CPNE8: variants seen among roughly 807,000 people sequenced by gnomAD.
The protein encoded by CPNE8 is copine-8.
A neutral mutation model predicts 81.5 loss-of-function variants in CPNE8; 45 were observed. The observed-to-expected ratio is 0.55, with a 90% CI of 0.44 to 0.71. The LOEUF is 0.71. Among genes scored for constraint, CPNE8 ranks in the 30% least tolerant of loss-of-function variants. The pLI is 0.00. For synonymous variants in CPNE8, 252 were observed against 226.3 expected, an observed-to-expected ratio of 1.11 and a Z score of -1.02; for missense variants, 594 against 672.1, an observed-to-expected ratio of 0.88 and a Z score of 1.28.
intron 3 of CPNE8, among the ~76,000 whole-genome samples, chr12:38,865,482 A>C (rs901700072): frequency 3.3e-5 from 5 of 152,214 alleles, no homozygotes; most frequent in Admixed American, 2.0e-4. Context: ...GCAGGCATGG[A>C]TAGAGCTCAC....
At chr12:38,673,460 A>G (rs565193644) in intron 18 of CPNE8, among the ~76,000 whole-genome samples, 1 of 152,276 alleles carries the variant, frequency 6.6e-6, no homozygotes, top group East Asian at 1.9e-4. Context: ...AGATTTTTCT[A>G]TATTAAACAT....
At position 38,807,596 on chromosome 12, in the gene CPNE8, T is replaced by G. The variant is rs374278640; in HGVS notation, c.407+21783A>C. Among the ~76,000 whole-genome samples the G allele has an allele frequency of 8.6e-5, 13 of 151,346 alleles. No individual in the cohort carries two copies. The South Asian group carries it at 1.5e-3, about 17-fold the overall frequency. ...CCCTTCCTTACACCTTATACAAAAA[T>G]TAATTCAAGATGGATTAAAGACTTA... On this transcript the variant is annotated intron_variant, in intron 6 of 19. Transcript: ENST00000331366.
At chr12:38,848,020 G>A (rs1167255211) in intron 4 of CPNE8, among the ~76,000 whole-genome samples, 1 of 152,054 alleles carries the variant, frequency 6.6e-6, no homozygotes, top group Non-Finnish European at 1.5e-5. Flanking sequence ...GCTGACTCTA[G>A]GTTCTCTGTG....
intron 16 of CPNE8, among the ~76,000 whole-genome samples, chr12:38,680,127 C>T (rs1939378138): frequency 1.3e-5 from 2 of 151,844 alleles, no homozygotes; most frequent in Admixed American, 1.3e-4. Flanking sequence ...CAGGGCAGTA[C>T]AATTCAAACA....
chr12:38,768,995 T>C (rs1941746730), intron 7 of CPNE8, among the ~76,000 whole-genome samples: 1 of 152,246 alleles, frequency 6.6e-6, no homozygotes, highest in Non-Finnish European at 1.5e-5. Flanking sequence ...TTACTAAGTA[T>C]ACACCTAAAC....
intron 3 of CPNE8, among the ~76,000 whole-genome samples, chr12:38,862,769 C>T (rs1943857176): frequency 6.6e-6 from 1 of 151,984 alleles, no homozygotes; most frequent in Non-Finnish European, 1.5e-5. Context: ...ACTAACATGG[C>T]AAAACCCTGG....
chr12:38,667,947 G>A (rs188782668), intron 19 of CPNE8, among the ~76,000 whole-genome samples: 103 of 152,116 alleles, frequency 6.8e-4, no homozygotes, highest in East Asian at 1.7e-3. Flanking sequence ...ACAGGCGCCC[G>A]CCACCACACG....
intron 6 of CPNE8, among the ~76,000 whole-genome samples, chr12:38,819,063 A>G (rs1489381855): frequency 9.2e-5 from 14 of 151,986 alleles, no homozygotes; most frequent in Admixed American, 8.5e-4. Flanking sequence ...ATTTCAAAAA[A>G]TTTTTCCCAT....
intron 10 of CPNE8, among the ~76,000 whole-genome samples, chr12:38,744,789 T>TA (rs1157215841): frequency 2.0e-5 from 3 of 152,144 alleles, no homozygotes; most frequent in South Asian, 4.1e-4. Flanking sequence ...GAAAAGGATG[T>TA]AAAAAAAGTA....
At chr12:38,856,202 C>G (rs529699001) in intron 3 of CPNE8, among the ~76,000 whole-genome samples, 15 of 152,046 alleles carry the variant, frequency 9.9e-5, no homozygotes, top group African/African-American at 3.6e-4. Flanking sequence ...AAGCAGTAAT[C>G]AACAACCTCA....
chr12:38,861,989 A>T (rs1339472524), intron 3 of CPNE8, among the ~76,000 whole-genome samples: 1 of 152,168 alleles, frequency 6.6e-6, no homozygotes, highest in Non-Finnish European at 1.5e-5. Flanking sequence ...GAAAATCTCC[A>T]ATGATCTAGG....
rs149340869 is a variant in CPNE8 at position 38,770,439 on chromosome 12, T to G, written c.472-2701A>C. Among the ~76,000 whole-genome samples the G allele has an allele frequency of 5.0e-3, 758 of 152,348 alleles. 5 individuals carry two copies. Among genetic ancestry groups the G allele is most frequent in the African/African-American group, 0.017 (708 of 41,584 alleles). ...CTTATTTCTCACCCAGACATGTTCATTGACATTTATTCCTTACTCCCACTT... is the reference window on the plus strand; with the variant it reads ...CTTATTTCTCACCCAGACATGTTCAGTGACATTTATTCCTTACTCCCACTT... On this transcript the variant is annotated intron_variant, in intron 7 of 19. Coordinates refer to ENST00000331366, the MANE Select transcript of CPNE8 (RefSeq NM_153634.3).
chr12:38,849,363 G>T (rs1943607186), intron 3 of CPNE8, among the ~76,000 whole-genome samples: 1 of 152,092 alleles, frequency 6.6e-6, no homozygotes, highest in South Asian at 2.1e-4. Context: ...CAAAGATAGA[G>T]CACAAATATA....
intron 5 of CPNE8, among the ~76,000 whole-genome samples, chr12:38,832,687 C>A (rs1346721928): frequency 1.3e-5 from 2 of 151,744 alleles, no homozygotes. Context: ...ATTTATGGCA[C>A]TCTCAGCTAA....
chr12:38,877,048 C>T (rs893576458), intron 1 of CPNE8, among the ~76,000 whole-genome samples: 2 of 152,186 alleles, frequency 1.3e-5, no homozygotes, highest in African/African-American at 4.8e-5. Context: ...AGTCAATGTA[C>T]ACAGCCCAGT....
rs142558983 is a variant in CPNE8 at position 38,882,465 on chromosome 12, G to A, written c.99-7954C>T. Among the ~76,000 whole-genome samples the A allele has an allele frequency of 9.3e-3, 1,417 of 152,256 alleles. 19 individuals carry two copies. The highest frequency in any genetic ancestry group is 0.039 in the South Asian group (187 of 4,820). On this transcript the variant is annotated intron_variant, in intron 1 of 19. Coordinates refer to ENST00000331366, the MANE Select transcript of CPNE8 (RefSeq NM_153634.3). ...TAGGACTTTTGGCATCCAGACCTGT[G>A]AGAAAATAAATTTCTGTTCTTTTAA...
chr12:38,720,475 C>T (rs368582361), intron 13 of CPNE8, among the ~76,000 whole-genome samples: 1 of 152,142 alleles, frequency 6.6e-6, no homozygotes, highest in Non-Finnish European at 1.5e-5. Flanking sequence ...TATATATACA[C>T]ATACATATTC....
chr12:38,784,313 T>C (rs938979247), intron 6 of CPNE8, among the ~76,000 whole-genome samples: 1 of 151,818 alleles, frequency 6.6e-6, no homozygotes, highest in Non-Finnish European at 1.5e-5. Context: ...AAAACGGACA[T>C]TCAGAGAAGA....
intron 6 of CPNE8, among the ~76,000 whole-genome samples, chr12:38,811,956 G>C (rs898604713): frequency 1.3e-5 from 2 of 152,198 alleles, no homozygotes; most frequent in African/African-American, 4.8e-5. Context: ...ATGGTCCCTA[G>C]CCTAGAGAGT....
Sources: gnomAD v4.1 joint callset for allele counts (sites outside exome capture counted in the v4.1 genomes callset) on GRCh38, gnomAD v4.1.1 for gene constraint, MANE v1.5 for transcripts, NCBI Gene and HGNC (gene_info 2026-07-23, HGNC 2026-07-21) for gene names.